The following KAZN variants were observed in gnomAD, a reference collection of about 807,000 sequenced individuals.
The protein encoded by KAZN is kazrin.
A neutral mutation model predicts 87.4 loss-of-function variants in KAZN; 40 were observed. The observed-to-expected ratio is 0.46, with a 90% CI of 0.36 to 0.60. The LOEUF is 0.60. KAZN is among the 20% of genes least tolerant of loss of function. The pLI is 0.00. For synonymous variants in KAZN, 466 were observed against 458.3 expected, an observed-to-expected ratio of 1.02 and a Z score of -0.22; for missense variants, 898 against 1,073.9, an observed-to-expected ratio of 0.84 and a Z score of 2.29.
chr1:14,866,658 T>C (rs992437037), intron 1 of KAZN, among the ~76,000 whole-genome samples: 1 of 152,140 alleles, frequency 6.6e-6, no homozygotes, highest in Non-Finnish European at 1.5e-5. Flanking sequence ...GCCCAGGAGG[T>C]TGAGGCTGCA....
At chr1:14,732,497 G>A (rs1643722278) in intron 1 of KAZN, among the ~76,000 whole-genome samples, 1 of 151,952 alleles carries the variant, frequency 6.6e-6, no homozygotes, top group Non-Finnish European at 1.5e-5. Flanking sequence ...AAATTAGCTG[G>A]GTATGGTGAC....
At chr1:14,154,997 T>TTCC (rs1570891584) in intron 1 of KAZN, among the ~76,000 whole-genome samples, 2 of 65,776 alleles carry the variant, frequency 3.0e-5, no homozygotes, top group African/African-American at 1.5e-4. Flanking sequence ...TTCCTTCCTT[T>TTCC]TTCTGATGTG....
chr1:14,998,167 CG>C (rs951662913), intron 2 of KAZN, among the ~76,000 whole-genome samples: 1 of 151,898 alleles, frequency 6.6e-6, no homozygotes, highest in Admixed American at 6.6e-5. Context: ...AGGGGCAGCG[CG>C]GGGGGTGCTC....
At chr1:14,206,229 G>A (rs1156693804) in intron 2 of KAZN, among the ~76,000 whole-genome samples, 1 of 152,018 alleles carries the variant, frequency 6.6e-6, no homozygotes, top group Non-Finnish European at 1.5e-5. Flanking sequence ...CTGTGTTCTA[G>A]TCCACAAAGT....
intron 1 of KAZN, among the ~76,000 whole-genome samples, chr1:14,118,500 G>A (rs56067444): frequency 6.6e-6 from 1 of 152,288 alleles, no homozygotes; most frequent in Non-Finnish European, 1.5e-5. Context: ...AAATTTTGAA[G>A]TGTATAAAAT....
chr1:14,632,751 C>T (rs1302841704), intron 1 of KAZN, among the ~76,000 whole-genome samples: 2 of 151,910 alleles, frequency 1.3e-5, no homozygotes, highest in Admixed American at 6.6e-5. Context: ...GATTTCATCC[C>T]GCAGGTACCC....
At chr1:14,347,307 A>T (rs1286599193) in intron 2 of KAZN, among the ~76,000 whole-genome samples, 2 of 152,190 alleles carry the variant, frequency 1.3e-5, no homozygotes, top group Non-Finnish European at 2.9e-5. Context: ...CAACTATACC[A>T]GCAGTCCAGG....
At chr1:14,690,117 G>A (rs756839082) in intron 1 of KAZN, among the ~76,000 whole-genome samples, 100 of 152,154 alleles carry the variant, frequency 6.6e-4, no homozygotes, top group Non-Finnish European at 1.2e-3. Flanking sequence ...TGCCCTCCAT[G>A]AACAAATGAA....
intron 1 of KAZN, among the ~76,000 whole-genome samples, chr1:14,713,286 T>C (rs889718750): frequency 1.3e-5 from 2 of 152,204 alleles, no homozygotes; most frequent in African/African-American, 4.8e-5. Context: ...TAGCATCTCA[T>C]TGGCCAAAGC....
intron 1 of KAZN, among the ~76,000 whole-genome samples, chr1:14,633,421 T>G (rs1679726813): frequency 6.6e-6 from 1 of 152,088 alleles, no homozygotes; most frequent in Non-Finnish European, 1.5e-5. Context: ...AGAGATGCCA[T>G]TGCTAGAAGG....
intron 1 of KAZN, among the ~76,000 whole-genome samples, chr1:14,627,978 ACTCTCTCT>A (rs3087168): frequency 4.9e-5 from 7 of 143,740 alleles, no homozygotes; most frequent in African/African-American, 1.8e-4. Context: ...TGGATATGGA[ACTCTCTCT>A]CTCTCTCTCT....
intron 1 of KAZN, among the ~76,000 whole-genome samples, chr1:14,754,638 TA>T (rs1178594175): frequency 6.6e-6 from 1 of 152,034 alleles, no homozygotes; most frequent in Non-Finnish European, 1.5e-5. Flanking sequence ...GTCTAAAATT[TA>T]AAAAAATTCA....
intron 1 of KAZN, among the ~76,000 whole-genome samples, chr1:14,026,846 T>C (rs965676774): frequency 1.3e-5 from 2 of 152,076 alleles, no homozygotes; most frequent in Non-Finnish European, 2.9e-5. Flanking sequence ...TGCAGAGTGG[T>C]AATTGCTTGG....
intron 1 of KAZN, among the ~76,000 whole-genome samples, chr1:14,664,777 C>T (rs1639415552): frequency 6.6e-6 from 1 of 151,610 alleles, no homozygotes; most frequent in South Asian, 2.1e-4. Context: ...CCTCAGCCTC[C>T]CGAGTAGCTG....
At chr1:14,915,726 C>G (rs1315319007) in intron 1 of KAZN, among the ~76,000 whole-genome samples, 1 of 152,220 alleles carries the variant, frequency 6.6e-6, no homozygotes, top group Admixed American at 6.5e-5. Context: ...CCAACGCTGC[C>G]TTTTCCAGCC....
At chr1:14,651,733 C>T (rs1008175614) in intron 1 of KAZN, among the ~76,000 whole-genome samples, 13 of 152,148 alleles carry the variant, frequency 8.5e-5, no homozygotes, top group African/African-American at 2.7e-4. Flanking sequence ...TAAGATGAAC[C>T]GTGTGAGCTC....
chr1:14,969,457 T>A (rs556357672), intron 2 of KAZN, among the ~76,000 whole-genome samples: 34 of 152,356 alleles, frequency 2.2e-4, no homozygotes, highest in African/African-American at 7.7e-4. Flanking sequence ...GGGCCCACCC[T>A]GAGCCAGCCC....
At position 15,044,178 on chromosome 1, in the gene KAZN, C is replaced by T. The variant is rs1383103426; in HGVS notation, c.726+19C>T. The T allele has an allele frequency of 6.9e-7, 1 of 1,442,212 alleles. No homozygotes were observed. 89.3% of individuals were successfully genotyped at this position (1,442,212 alleles called of 1,614,324 possible). Reference sequence around the variant, plus strand: ...GGCCATGGTGAGAACCCTCCCCACCCAGGTGGGCCTGGCATCTGCTAGCAG... The same window carrying T: ...GGCCATGGTGAGAACCCTCCCCACCTAGGTGGGCCTGGCATCTGCTAGCAG... On this transcript the variant is annotated intron_variant, in intron 4 of 14. Coordinates refer to ENST00000376030, the MANE Select transcript of KAZN (RefSeq NM_201628.3).
Position 13,903,648 on chromosome 1 carries a change from C to T in KAZN, c.91+9892C>T, listed in dbSNP as rs116941118. On this transcript the variant is annotated intron_variant, in intron 1 of 16. Coordinates refer to the KAZN transcript ENST00000636203. ...CATTACCAGTTACATATAGTGAAGA[C>T]GAGTTAGGTCACTTAAAGAAAGAAC... 5.1e-4 allele frequency among the ~76,000 whole-genome samples: 77 copies of T among 152,080 alleles called. 1 individual carries two copies. The East Asian group carries it at 0.013, about 25-fold the overall frequency.
Sources: allele counts gnomAD v4.1 joint callset (sites outside exome capture counted in the v4.1 genomes callset), GRCh38; gene constraint gnomAD v4.1.1; transcripts MANE v1.5; gene names NCBI Gene and HGNC (gene_info 2026-07-23, HGNC 2026-07-21).